ARIH1: variants seen among roughly 807,000 people sequenced by gnomAD.
The protein encoded by ARIH1 is E3 ubiquitin-protein ligase ARIH1.
Under a neutral mutation model 85.0 loss-of-function variants are expected in ARIH1, and 8 were observed. The observed-to-expected ratio is 0.09, with a 90% CI of 0.06 to 0.17. ARIH1 has a LOEUF of 0.17. Ranked by LOEUF, ARIH1 falls within the 10% of genes least tolerant of loss-of-function variation. The pLI, the probability that ARIH1 is intolerant of heterozygous loss-of-function variation, is 1.00. For synonymous variants in ARIH1, 238 were observed against 253.6 expected (o/e 0.94, Z 0.59); for missense variants, 311 against 718.1 (o/e 0.43, Z 6.48).
chr15:72,571,961 T>C, intron 10 of ARIH1, 147 bp from the exon 11 acceptor site: 1 of 609,324 alleles, frequency 1.6e-6, no homozygotes, highest in Non-Finnish European at 2.9e-6. Flanking sequence ...AGTAGAACCC[T>C]GGGTGTTTTA....
rs933702386 is a variant in ARIH1 at position 72,600,447 on chromosome 15, A to C, written c.*17155A>C. On this transcript the variant is annotated 3_prime_UTR_variant, in exon 14 of 14. Transcript: ENST00000379887. ...CACCCAGGCTGGAGTTCAGTGGTGCAATCATAGCTCACTGCAACCTTGAGC... is the reference window on the plus strand; with the variant it reads ...CACCCAGGCTGGAGTTCAGTGGTGCCATCATAGCTCACTGCAACCTTGAGC... 1 of 152,240 alleles carries C rather than the reference A, an allele frequency of 6.6e-6. No homozygotes were observed. The highest frequency in any genetic ancestry group is 2.4e-5 in the African/African-American group (1 of 41,454). 9.4% of individuals were successfully genotyped at this position (152,240 alleles called of 1,614,324 possible).
intron 1 of ARIH1, among the ~76,000 whole-genome samples, chr15:72,475,599 G>A (rs1157783500): frequency 6.6e-6 from 1 of 152,206 alleles, no homozygotes; most frequent in Non-Finnish European, 1.5e-5. Context: ...CTTTTCAGAT[G>A]GTGAGGCTTC....
chr15:72,513,702 TCCC>T (rs2063960122), intron 1 of ARIH1, among the ~76,000 whole-genome samples: 1 of 17,444 alleles, frequency 5.7e-5, no homozygotes, highest in East Asian at 1.6e-3. Flanking sequence ...CCTCCCCCTC[TCCC>T]TCCCTCCCTC....
intron 2 of ARIH1, among the ~76,000 whole-genome samples, chr15:72,543,079 C>T (rs1231046867): frequency 9.2e-5 from 14 of 151,690 alleles, no homozygotes; most frequent in Admixed American, 9.2e-4. Flanking sequence ...ATTAGAGGCA[C>T]CTGCCACCGC....
At chr15:72,555,702 T>G (rs188210981) in intron 4 of ARIH1, 150 bp from the exon 5 acceptor site, 2 of 696,206 alleles carry the variant, frequency 2.9e-6, no homozygotes, top group Non-Finnish European at 4.9e-6. Flanking sequence ...ATAAACATAC[T>G]CTCACACACA....
At chr15:72,574,670 CT>C in intron 11 of ARIH1, among the ~76,000 whole-genome samples, 1 of 152,310 alleles carries the variant, frequency 6.6e-6, no homozygotes, top group East Asian at 1.9e-4. Flanking sequence ...ATATTTTTAG[CT>C]TTGCGTACTA....
rs2063870621 is a variant in ARIH1 at position 72,494,174 on chromosome 15, CTT to C, written c.375+19161_375+19162del. Among the ~76,000 whole-genome samples the C allele has an allele frequency of 3.3e-5, 5 of 152,226 alleles. No individual in the cohort carries two copies. In the South Asian group the frequency reaches 1.0e-3, roughly 32 times the overall value. ...TTGGGAACCATTTGTAAATTGAGTA[CTT>C]GATTTATTTTTATCAGCTGAGATTT... On this transcript the variant is annotated intron_variant, in intron 1 of 13. Coordinates refer to ENST00000379887, the MANE Select transcript of ARIH1 (RefSeq NM_005744.5).
At position 72,592,969 on chromosome 15, in the gene ARIH1, A is replaced by G. The variant is rs760606212; in HGVS notation, c.*9677A>G. On this transcript the variant is annotated 3_prime_UTR_variant, in exon 14 of 14. Coordinates refer to ENST00000379887, the MANE Select transcript of ARIH1 (RefSeq NM_005744.5). ...AATTACTGGGTCATATGGTAAGTGCATGTTTATAAGAAACTGCCCTCTTAT... is the reference window on the plus strand; with the variant it reads ...AATTACTGGGTCATATGGTAAGTGCGTGTTTATAAGAAACTGCCCTCTTAT... 29 of 152,152 alleles carry G rather than the reference A, an allele frequency of 1.9e-4. No individual in the cohort carries two copies. The highest frequency in any genetic ancestry group is 5.1e-4 in the African/African-American group (21 of 41,426). 9.4% of individuals were successfully genotyped at this position (152,152 alleles called of 1,614,324 possible).
At chr15:72,510,013 C>G (rs1409602455) in intron 1 of ARIH1, among the ~76,000 whole-genome samples, 1 of 151,848 alleles carries the variant, frequency 6.6e-6, no homozygotes, top group African/African-American at 2.4e-5. Context: ...AACTCCTTAG[C>G]TCAAGTGATC....
chr15:72,531,995 A>G (rs2064059329), intron 2 of ARIH1, among the ~76,000 whole-genome samples: 1 of 152,190 alleles, frequency 6.6e-6, no homozygotes, highest in African/African-American at 2.4e-5. Context: ...ATAACCTTAA[A>G]TGCATAATGA....
intron 1 of ARIH1, among the ~76,000 whole-genome samples, chr15:72,510,238 C>T (rs1356688982): frequency 2.0e-5 from 3 of 152,130 alleles, no homozygotes; most frequent in Non-Finnish European, 4.4e-5. Flanking sequence ...CAGGTATCTT[C>T]TCCTAGTCTG....
In ARIH1 at chr15:72,586,139, TA is replaced by T; in HGVS notation, c.*2848del. The T allele has an allele frequency of 6.6e-6, 1 of 152,222 alleles. No homozygotes were observed. Among genetic ancestry groups the T allele is most frequent in the East Asian group, 1.9e-4 (1 of 5,200 alleles). The allele number at this position is 152,222 out of a possible 1,614,324, so 9.4% of individuals were successfully genotyped here. Reference sequence around the variant, plus strand: ...CTGTAATTTTCCACAACCCAGATTGTATGTGTTTTATGTGTGTTTAAATAAA... The same window carrying T: ...CTGTAATTTTCCACAACCCAGATTGTTGTGTTTTATGTGTGTTTAAATAAA... On this transcript the variant is annotated 3_prime_UTR_variant, in exon 14 of 14. Coordinates refer to ENST00000379887, the MANE Select transcript of ARIH1 (RefSeq NM_005744.5).
chr15:72,592,536 A>G lies in ARIH1; in HGVS notation c.*9244A>G, dbSNP rs1273315405. The G allele has an allele frequency of 1.3e-5, 2 of 152,242 alleles. No homozygotes were observed. The highest frequency in any genetic ancestry group is 4.8e-5 in the African/African-American group (2 of 41,458). 9.4% of individuals were successfully genotyped at this position (152,242 alleles called of 1,614,324 possible). ...CCAAAAGAAGACATAATATGTTACA[A>G]TTAACCCAGAAAATTCTCAAGTACT... On this transcript the variant is annotated 3_prime_UTR_variant, in exon 14 of 14. Coordinates refer to ENST00000379887, the MANE Select transcript of ARIH1 (RefSeq NM_005744.5).
In ARIH1 at chr15:72,540,524, A is replaced by G. The variant is rs1305273343; in HGVS notation, c.444-4296A>G. On this transcript the variant is annotated intron_variant, in intron 2 of 13. Transcript: ENST00000379887. ...AATACAGATCAGAACAAATACATGA[A>G]ACTTTGGTAAAAGAAAAAGATTTCT... Among the ~76,000 whole-genome samples the G allele has an allele frequency of 3.9e-5, 6 of 152,166 alleles. No homozygotes were observed. In the East Asian group the frequency reaches 1.2e-3, roughly 29 times the overall value.
At chr15:72,555,231 A>G (rs1337036723) in intron 3 of ARIH1, 40 bp from the exon 4 acceptor site, 2 of 1,474,318 alleles carry the variant, frequency 1.4e-6, no homozygotes, top group Non-Finnish European at 1.9e-6. Flanking sequence ...GAGTTTTCTG[A>G]TAATACCTTT....
chr15:72,580,667 A>T, intron 11 of ARIH1, 64 bp from the exon 12 acceptor site: 1 of 1,439,990 alleles, frequency 6.9e-7, no homozygotes, highest in Non-Finnish European at 9.4e-7. Context: ...TTAATTTGAT[A>T]ATCAGCTTTT....
chr15:72,545,345 G>GT (rs1197118059), intron 3 of ARIH1, among the ~76,000 whole-genome samples: 1 of 152,084 alleles, frequency 6.6e-6, no homozygotes, highest in Non-Finnish European at 1.5e-5. Flanking sequence ...ATAAAATACC[G>GT]TTAATACTAT....
chr15:72,506,968 TTG>T (rs1189031756), intron 1 of ARIH1, among the ~76,000 whole-genome samples: 1 of 151,778 alleles, frequency 6.6e-6, no homozygotes, highest in Non-Finnish European at 1.5e-5. Flanking sequence ...AGCAATTTGG[TTG>T]TGATTATTTT....
At chr15:72,497,479 G>A (rs1015442854) in intron 1 of ARIH1, among the ~76,000 whole-genome samples, 1 of 152,018 alleles carries the variant, frequency 6.6e-6, no homozygotes, top group South Asian at 2.1e-4. Context: ...ACAGGGTTAG[G>A]ATGGAAGGGC....
Sources: gnomAD v4.1 joint callset for allele counts (sites outside exome capture counted in the v4.1 genomes callset) on GRCh38, gnomAD v4.1.1 for gene constraint, MANE v1.5 for transcripts, NCBI Gene and HGNC (gene_info 2026-07-23, HGNC 2026-07-21) for gene names.